The following FGF12 variants were observed in gnomAD, a reference collection of about 807,000 sequenced individuals.
FGF12 encodes fibroblast growth factor 12.
A neutral mutation model predicts 23.6 loss-of-function variants in FGF12; 14 were observed. The observed-to-expected ratio is 0.59, with a 90% confidence interval of 0.39 to 0.93. The LOEUF is 0.93. FGF12 is among the 40% of genes least tolerant of loss of function. FGF12 has a pLI of 0.00. For synonymous variants in FGF12, 62 were observed against 77.3 expected (o/e 0.80, Z 1.04); for missense variants, 175 against 217.8 (o/e 0.80, Z 1.24).
chr3:192,575,141 A>G (rs538202630), intron 2 of FGF12, among the ~76,000 whole-genome samples: 1 of 152,350 alleles, frequency 6.6e-6, no homozygotes, highest in African/African-American at 2.4e-5. Flanking sequence ...GAAGAGACAA[A>G]CTAATCAATT....
At chr3:192,709,401 T>C (rs536983617) in intron 2 of FGF12, among the ~76,000 whole-genome samples, 1 of 152,320 alleles carries the variant, frequency 6.6e-6, no homozygotes, top group South Asian at 2.1e-4. Context: ...AAGAACTTCT[T>C]AGAGGTCTTT....
At chr3:192,689,630 AAAG>A (rs1315058202) in intron 2 of FGF12, among the ~76,000 whole-genome samples, 4 of 152,044 alleles carry the variant, frequency 2.6e-5, no homozygotes, top group Admixed American at 2.6e-4. Context: ...AGAGTAGAAA[AAAG>A]AAAAAAAGGA....
intron 4 of FGF12, among the ~76,000 whole-genome samples, chr3:192,277,500 T>A (rs1560047862): frequency 6.6e-6 from 1 of 152,148 alleles, no homozygotes; most frequent in Non-Finnish European, 1.5e-5. Flanking sequence ...GGGGCAGCTG[T>A]TTGATCAATC....
intron 2 of FGF12, among the ~76,000 whole-genome samples, chr3:192,559,031 G>A (rs1030500174): frequency 4.0e-5 from 6 of 151,778 alleles, no homozygotes; most frequent in African/African-American, 1.2e-4. Context: ...TCTTCATATC[G>A]CTTTTCACAA....
chr3:192,629,598 T>G (rs2108654920), intron 2 of FGF12, among the ~76,000 whole-genome samples: 1 of 152,354 alleles, frequency 6.6e-6, no homozygotes, highest in African/African-American at 2.4e-5. Context: ...CCCTGCATTA[T>G]TTGGCTCCCA....
intron 2 of FGF12, among the ~76,000 whole-genome samples, chr3:192,691,213 T>A (rs932204665): frequency 3.3e-5 from 5 of 152,182 alleles, no homozygotes; most frequent in East Asian, 3.9e-4. Context: ...GAACATTCTA[T>A]CCATCAGCAA....
At chr3:192,330,767 G>A (rs926722235) in intron 4 of FGF12, among the ~76,000 whole-genome samples, 6 of 151,838 alleles carry the variant, frequency 4.0e-5, no homozygotes, top group Non-Finnish European at 5.9e-5. Flanking sequence ...AATAAACATA[G>A]GAAAAAACCT....
chr3:192,339,657 T>G (rs1164903435), intron 3 of FGF12, among the ~76,000 whole-genome samples: 1 of 152,202 alleles, frequency 6.6e-6, no homozygotes, highest in Non-Finnish European at 1.5e-5. Flanking sequence ...TTTTCATCAT[T>G]TAAGGCCTAC....
rs145752467 is a variant in FGF12 at position 192,717,556 on chromosome 3, G to C, written c.13+9625C>G. On this transcript the variant is annotated intron_variant, in intron 2 of 5. Transcript: ENST00000445105. ...GCTGGATCTGTTTAAGTTTATAACT[G>C]AACCCAACACCTATTACAGTTTTTT... Among the ~76,000 whole-genome samples, 38 of 152,120 alleles carry C rather than the reference G, an allele frequency of 2.5e-4. No homozygotes were observed. In the East Asian group the frequency reaches 2.7e-3, roughly 11 times the overall value.
At chr3:192,612,485 G>C (rs1179255400) in intron 2 of FGF12, among the ~76,000 whole-genome samples, 1 of 151,774 alleles carries the variant, frequency 6.6e-6, no homozygotes, top group Non-Finnish European at 1.5e-5. Context: ...TCTTAATTAA[G>C]AATAAATAGA....
At chr3:192,549,816 G>A (rs571738007) in intron 2 of FGF12, among the ~76,000 whole-genome samples, 30 of 152,248 alleles carry the variant, frequency 2.0e-4, no homozygotes, top group South Asian at 6.2e-4. Context: ...AAATATCAGC[G>A]TTTCTTGGGT....
At chr3:192,693,802 C>T (rs1461310576) in intron 2 of FGF12, among the ~76,000 whole-genome samples, 1 of 152,090 alleles carries the variant, frequency 6.6e-6, no homozygotes, top group African/African-American at 2.4e-5. Context: ...TAGAAGAATA[C>T]ATGTGAAAAA....
intron 4 of FGF12, among the ~76,000 whole-genome samples, chr3:192,218,369 C>T (rs571241961): frequency 6.6e-6 from 1 of 152,062 alleles, no homozygotes; most frequent in Non-Finnish European, 1.5e-5. Context: ...TTGTTATCCC[C>T]AATGTTGGAG....
intron 2 of FGF12, among the ~76,000 whole-genome samples, chr3:192,560,134 A>G (rs1398520419): frequency 6.6e-6 from 1 of 152,032 alleles, no homozygotes; most frequent in African/African-American, 2.4e-5. Context: ...TAAATCACCC[A>G]AGGTAAAGAA....
At chr3:192,347,349 T>C (rs1718011958) in intron 3 of FGF12, among the ~76,000 whole-genome samples, 2 of 152,174 alleles carry the variant, frequency 1.3e-5, no homozygotes, top group Non-Finnish European at 1.5e-5. Context: ...CCAAGAATTA[T>C]TGAATCAAAA....
chr3:192,551,983 A>G (rs1465886076), intron 2 of FGF12, among the ~76,000 whole-genome samples: 1 of 152,114 alleles, frequency 6.6e-6, no homozygotes, highest in Non-Finnish European at 1.5e-5. Flanking sequence ...TTATTTATAT[A>G]GAGATATATA....
At chr3:192,221,743 T>C (rs1397679555) in intron 4 of FGF12, among the ~76,000 whole-genome samples, 1 of 152,118 alleles carries the variant, frequency 6.6e-6, no homozygotes, top group African/African-American at 2.4e-5. Context: ...TCAACAAAGA[T>C]TTACTGAAGT....
chr3:192,408,600 G>A lies in FGF12; in HGVS notation c.14-48062C>T. The stretch of plus-strand genomic sequence containing the variant: ...TTCGGGGTACCAAGTGGAAGGGGAA[G>A]AACGATGCCCAAAATAACAAGACGT... On this transcript the variant is annotated intron_variant, in intron 2 of 5. Transcript: ENST00000445105. The surrounding 1 kb of genome is among the most constrained non-coding windows in gnomAD (Gnocchi z 7.3). The A allele has an allele frequency of 9.4e-7, 1 of 1,063,474 alleles. No individual in the cohort carries two copies. The highest frequency in any genetic ancestry group is 1.1e-6 in the Non-Finnish European group (1 of 879,782). 65.9% of individuals were successfully genotyped at this position (1,063,474 alleles called of 1,614,324 possible).
intron 2 of FGF12, among the ~76,000 whole-genome samples, chr3:192,554,033 A>C (rs1711648207): frequency 6.6e-6 from 1 of 152,178 alleles, no homozygotes; most frequent in Non-Finnish European, 1.5e-5. Flanking sequence ...GTGTGTGTCC[A>C]AAATTCTGAA....
Sources: gnomAD v4.1 joint callset for allele counts (sites outside exome capture counted in the v4.1 genomes callset) on GRCh38, gnomAD v4.1.1 for gene constraint, Gnocchi (gnomAD v3.1) non-coding constraint, MANE v1.5 for transcripts, NCBI Gene and HGNC (gene_info 2026-07-23, HGNC 2026-07-21) for gene names.